Variants in ZSCAN25 observed in about 807,000 individuals in gnomAD.
ZSCAN25 encodes zinc finger and SCAN domain containing 25.
A neutral mutation model predicts 38.7 loss-of-function variants in ZSCAN25; 27 were observed. That is an observed-to-expected ratio of 0.70 (90% confidence interval 0.51 to 0.96). The LOEUF (loss-of-function observed/expected upper bound fraction) is 0.96, where lower values mean the gene tolerates loss of function less well. ZSCAN25 is among the 40% of genes least tolerant of loss of function. ZSCAN25 has a pLI of 0.00. For synonymous variants in ZSCAN25, 273 were observed against 277.7 expected, an observed-to-expected ratio of 0.98 and a Z score of 0.17; for missense variants, 637 against 705.9, an observed-to-expected ratio of 0.90 and a Z score of 1.11.
At chr7:99,707,581 A>G in the ZSCAN25 span, among the ~76,000 whole-genome samples, 1 of 152,234 alleles carries the variant, frequency 6.6e-6, no homozygotes, top group South Asian at 2.1e-4. Flanking sequence ...GAGACTGTAG[A>G]TAATCATGTC....
At position 99,629,818 on chromosome 7, in the gene ZSCAN25, G is replaced by A. The variant is rs769149865; in HGVS notation, c.1433G>A (p.Arg478His). 2.2e-5 allele frequency: 35 copies of A among 1,614,108 alleles called. No individual in the cohort carries two copies. The highest frequency in any genetic ancestry group is 3.0e-5 in the Non-Finnish European group (35 of 1,180,042). Residue 478 changes from arginine (R) to histidine (H), a missense_variant, in exon 8 of 8, where the codon CGT (arginine) becomes CAT (histidine). Coordinates refer to ENST00000394152, the MANE Select transcript of ZSCAN25 (RefSeq NM_145115.3). The surrounding 1 kb of genome is among the most constrained non-coding windows in gnomAD (Gnocchi z 5.6). ...AATGCCAATCTGGCGGTGCACCGGCGTGCCCACACTGGCGAGAAGCCATAT... is the reference window on the plus strand; with the variant it reads ...AATGCCAATCTGGCGGTGCACCGGCATGCCCACACTGGCGAGAAGCCATAT... ...SRNANLAVHRRAHTGEKPYGC... is the reference protein window; with the variant it reads ...SRNANLAVHRHAHTGEKPYGC...
At position 99,630,617 on chromosome 7, in the gene ZSCAN25, A is replaced by C. The variant is rs150279026; in HGVS notation, c.*597A>C. ...CCCGTGAGAACATCTTCCCATGACCACTCCTGCCCTCCTGCCCCGTGCTGG... is the reference window on the plus strand; with the variant it reads ...CCCGTGAGAACATCTTCCCATGACCCCTCCTGCCCTCCTGCCCCGTGCTGG... On this transcript the variant is annotated 3_prime_UTR_variant, in exon 8 of 8. Coordinates refer to ENST00000394152, the MANE Select transcript of ZSCAN25 (RefSeq NM_145115.3). 6.1e-6 allele frequency: 6 copies of C among 984,522 alleles called. No individual in the cohort carries two copies. Among genetic ancestry groups the C allele is most frequent in the Non-Finnish European group, 7.2e-6 (6 of 829,942 alleles). The allele number at this position is 984,522 out of a possible 1,614,324, so 61.0% of individuals were successfully genotyped here. A position where few individuals can be genotyped will look rare whatever the true frequency, so the allele number is the denominator to read the frequency against.
chr7:99,654,916 T>C, the ZSCAN25 span, among the ~76,000 whole-genome samples: 1 of 152,220 alleles, frequency 6.6e-6, no homozygotes, highest in Non-Finnish European at 1.5e-5. Context: ...CCCCCACTTG[T>C]TGATGGGGTT....
the ZSCAN25 span, chr7:99,660,210 A>G: frequency 3.5e-5 from 28 of 790,758 alleles, no homozygotes; most frequent in South Asian, 1.5e-3. Context: ...TTCTCGCCAC[A>G]CTCCTTTTTT....
At chr7:99,675,650 TCCCCTCC>T in the ZSCAN25 span, among the ~76,000 whole-genome samples, 3 of 260 alleles carry the variant, frequency 0.012, no homozygotes, top group African/African-American at 0.029. Flanking sequence ...TCCTCCCCCC[TCCCCTCC>T]CCTCCCCTCC....
Position 99,630,088 on chromosome 7 carries a change from G to C in ZSCAN25, c.*68G>C. ...TGCAGGGCCTTGCGGGGTGCAAGGT[G>C]ATGGCTGCAGGAAAGCACTGGTCCC... On this transcript the variant is annotated 3_prime_UTR_variant, in exon 8 of 8. Coordinates refer to ENST00000394152, the MANE Select transcript of ZSCAN25 (RefSeq NM_145115.3). The C allele has an allele frequency of 1.4e-6, 2 of 1,449,956 alleles. No homozygotes were observed. Among genetic ancestry groups the C allele is most frequent in the Non-Finnish European group, 1.8e-6 (2 of 1,102,140 alleles). 89.8% of individuals were successfully genotyped at this position (1,449,956 alleles called of 1,614,324 possible). A position where few individuals can be genotyped will look rare whatever the true frequency, so the allele number is the denominator to read the frequency against.
chr7:99,637,383 A>C (rs1429026451), downstream of ZSCAN25, among the ~76,000 whole-genome samples: 1 of 152,176 alleles, frequency 6.6e-6, no homozygotes, highest in Non-Finnish European at 1.5e-5. Context: ...ATTTCTGGGA[A>C]GAGTGTTTTT....
the ZSCAN25 span, chr7:99,672,609 C>A: frequency 1.2e-6 from 2 of 1,613,904 alleles, no homozygotes; most frequent in African/African-American, 1.3e-5. Flanking sequence ...GAATAACATT[C>A]TTTCACTAGC....
At chr7:99,674,733 A>T in the ZSCAN25 span, 1 of 602,638 alleles carries the variant, frequency 1.7e-6, no homozygotes, top group Non-Finnish European at 2.9e-6. Context: ...AGATGTCTTA[A>T]GGGAAAGACA....
the ZSCAN25 span, among the ~76,000 whole-genome samples, chr7:99,643,952 A>G: frequency 1.3e-5 from 2 of 151,936 alleles, no homozygotes; most frequent in African/African-American, 2.4e-5. Flanking sequence ...ACCACCCTTC[A>G]TAAAATAGGG....
chr7:99,672,626 C>G, the ZSCAN25 span: 3 of 1,614,120 alleles, frequency 1.9e-6, no homozygotes, highest in Non-Finnish European at 2.5e-6. Context: ...TAGCACTGTT[C>G]TGATCACGTC....
At position 99,631,716 on chromosome 7, in the gene ZSCAN25, G is replaced by A; in HGVS notation, c.*1696G>A. On this transcript the variant is annotated 3_prime_UTR_variant, in exon 8 of 8. Coordinates refer to ENST00000394152, the MANE Select transcript of ZSCAN25 (RefSeq NM_145115.3). ...ACTTTGAAACGTGGTTTTATCACCT[G>A]TTCTTGTTAGGCAGCATGGTGTCTA... The A allele has an allele frequency of 1.0e-6, 1 of 985,278 alleles. No homozygotes were observed. The highest frequency in any genetic ancestry group is 1.2e-6 in the Non-Finnish European group (1 of 829,920). The allele number at this position is 985,278 out of a possible 1,614,324, so 61.0% of individuals were successfully genotyped here.
the ZSCAN25 span, among the ~76,000 whole-genome samples, chr7:99,721,241 A>T: frequency 6.6e-6 from 1 of 152,198 alleles, no homozygotes; most frequent in Admixed American, 6.6e-5. Flanking sequence ...TCCTTCTATT[A>T]AAAAGTCTTG....
the ZSCAN25 span, among the ~76,000 whole-genome samples, chr7:99,675,057 G>T: frequency 2.0e-5 from 3 of 152,186 alleles, no homozygotes; most frequent in Non-Finnish European, 2.9e-5. Context: ...GAAAGTTAAA[G>T]AAACCAGGAA....
Position 99,631,214 on chromosome 7 carries a change from T to C in ZSCAN25, c.*1194T>C. 2.0e-6 allele frequency: 2 copies of C among 985,458 alleles called. No individual in the cohort carries two copies. The highest frequency in any genetic ancestry group is 2.4e-6 in the Non-Finnish European group (2 of 829,940). The allele number at this position is 985,458 out of a possible 1,614,324, so 61.0% of individuals were successfully genotyped here. On this transcript the variant is annotated 3_prime_UTR_variant, in exon 8 of 8. Transcript: ENST00000394152. The stretch of plus-strand genomic sequence containing the variant: ...AAATGCATTTGTCACCTACCTCTTG[T>C]TACTAAATGGTCTCTGCCCTCCAGA...
the ZSCAN25 span, among the ~76,000 whole-genome samples, chr7:99,658,415 T>A: frequency 6.6e-6 from 1 of 152,202 alleles, no homozygotes; most frequent in Non-Finnish European, 1.5e-5. Context: ...TGGCCCCCAC[T>A]CTCTACTGGC....
chr7:99,716,591 C>G, the ZSCAN25 span, among the ~76,000 whole-genome samples: 1 of 152,162 alleles, frequency 6.6e-6, no homozygotes, highest in African/African-American at 2.4e-5. Context: ...CTGCCCAGGA[C>G]AGGCTCAGAT....
the ZSCAN25 span, among the ~76,000 whole-genome samples, chr7:99,643,529 A>C: frequency 1.3e-5 from 2 of 150,970 alleles, no homozygotes; most frequent in African/African-American, 2.4e-5. Flanking sequence ...AGTGATGTCA[A>C]CTCTTCATGT....
chr7:99,737,368 T>C, the ZSCAN25 span, among the ~76,000 whole-genome samples: 1 of 152,174 alleles, frequency 6.6e-6, no homozygotes. Flanking sequence ...GAGATTCGTG[T>C]TCCTGTCTCA....
Sources: gnomAD v4.1 joint callset for allele counts (sites outside exome capture counted in the v4.1 genomes callset) on GRCh38, gnomAD v4.1.1 for gene constraint, Gnocchi (gnomAD v3.1) non-coding constraint, MANE v1.5 for transcripts, NCBI Gene and HGNC (gene_info 2026-07-23, HGNC 2026-07-21) for gene names.